ACAT2: variants seen among roughly 807,000 people sequenced by gnomAD.
ACAT2 encodes the protein acetyl-CoA acetyltransferase 2, also known as acetyl-CoA acetyltransferase, cytosolic.
A neutral mutation model predicts 37.1 loss-of-function variants in ACAT2; 26 were observed. That is an observed-to-expected ratio of 0.70 (90% confidence interval 0.51 to 0.97). ACAT2 has a LOEUF of 0.97. ACAT2 is among the 50% of genes least tolerant of loss of function. The probability of loss-of-function intolerance (pLI) is 0.00; values close to 1 mark genes in which losing one functional copy is unlikely to be tolerated. For missense variants in ACAT2, 468 were observed against 489.0 expected (o/e 0.96, Z 0.40); for synonymous variants, 156 against 163.6 (o/e 0.95, Z 0.35).
chr6:159,776,392 C>A, intron 6 of ACAT2, 120 bp downstream of exon 6: 1 of 1,247,110 alleles, frequency 8.0e-7, no homozygotes, highest in Non-Finnish European at 1.1e-6. Flanking sequence ...CTCACTCTGC[C>A]AGCCAGGTTC....
At chr6:159,769,118 C>G (rs916293595) in intron 4 of ACAT2, among the ~76,000 whole-genome samples, 1 of 152,160 alleles carries the variant, frequency 6.6e-6, no homozygotes, top group Non-Finnish European at 1.5e-5. Context: ...GAATCAAACC[C>G]TGAGAAGTTA....
chr6:159,762,196 G>C, intron 1 of ACAT2, 54 bp downstream of exon 1: 1 of 1,572,492 alleles, frequency 6.4e-7, no homozygotes, highest in Non-Finnish European at 8.6e-7. Context: ...GCTTCGGCAG[G>C]AGCGCCGAGG....
chr6:159,768,461 G>A, intron 3 of ACAT2, 50 bp from the exon 4 acceptor site: 1 of 1,296,224 alleles, frequency 7.7e-7, no homozygotes, highest in Non-Finnish European at 1.1e-6. Flanking sequence ...ATTCTGGGGA[G>A]AAGACTAATT....
chr6:159,762,425 A>AG, intron 1 of ACAT2: 9 of 1,366,550 alleles, frequency 6.6e-6, no homozygotes, highest in Non-Finnish European at 8.5e-6. Flanking sequence ...TGGTTGGCGT[A>AG]GGGAGGTGTT....
intron 6 of ACAT2, among the ~76,000 whole-genome samples, chr6:159,776,816 C>G (rs1313247543): frequency 2.6e-5 from 4 of 151,954 alleles, no homozygotes; most frequent in Non-Finnish European, 5.9e-5. Context: ...TGAGACGGAG[C>G]CTCACTCTGT....
At chr6:159,771,268 T>C (rs546760605) in intron 4 of ACAT2, among the ~76,000 whole-genome samples, 1 of 152,084 alleles carries the variant, frequency 6.6e-6, no homozygotes, top group Admixed American at 6.5e-5. Flanking sequence ...TAATCCCAGC[T>C]ACTCGGGAGG....
At chr6:159,777,176 A>G (rs1280785323) in intron 6 of ACAT2, 126 bp from the exon 7 acceptor site, 6 of 1,082,644 alleles carry the variant, frequency 5.5e-6, no homozygotes, top group Non-Finnish European at 8.1e-6. Flanking sequence ...AGTCTGTTGA[A>G]TTATAGTAAA....
At chr6:159,764,106 AAAGAAG>A (rs200040327) in intron 2 of ACAT2, among the ~76,000 whole-genome samples, 2 of 151,822 alleles carry the variant, frequency 1.3e-5, no homozygotes, top group African/African-American at 4.8e-5. Context: ...CTCCTTTTAA[AAAGAAG>A]AAGAAGAAGC....
chr6:159,778,155 G>C lies in ACAT2; in HGVS notation c.913-15G>C, dbSNP rs541368544. On this transcript the variant is annotated splice_polypyrimidine_tract_variant and intron_variant, in intron 7 of 8. Coordinates refer to ENST00000367048, the MANE Select transcript of ACAT2 (RefSeq NM_005891.3). ...ACCCAAGTTTAGACCTCTTTTCTAT[G>C]AATCTTTCCTCTAGGTTACAAAAGC... 1.3e-5 allele frequency: 20 copies of C among 1,572,774 alleles called. No homozygotes were observed. Among genetic ancestry groups the C allele is most frequent in the South Asian group, 2.3e-5 (2 of 88,730 alleles).
rs1490335651 is a variant in ACAT2 at position 159,768,622 on chromosome 6, A to G, written c.484A>G (p.Ile162Val). The change falls in exon 4 of 9, where the codon ATT (isoleucine) becomes GTT (valine). Residue 162 changes from isoleucine (I) to valine (V), a missense_variant. By Grantham distance (29) the Ile-to-Val change is conservative. Transcript: ENST00000367048. The stretch of plus-strand genomic sequence containing the variant: ...TGCATTTCACAACTGTCATATGGGT[A>G]TTACAGGTAAGGCAGACATGGCTGA... ...TDAFHNCHMG[I>V]TAENVAKKWQ... The G allele has an allele frequency of 1.9e-6, 3 of 1,602,676 alleles. No homozygotes were observed.
chr6:159,777,215 A>T, intron 6 of ACAT2, 87 bp from the exon 7 acceptor site: 1 of 1,411,934 alleles, frequency 7.1e-7, no homozygotes, highest in African/African-American at 1.4e-5. Flanking sequence ...AAATCATTTA[A>T]CTCATGTCTT....
intron 2 of ACAT2, among the ~76,000 whole-genome samples, chr6:159,765,840 T>C (rs3798212): frequency 0.23 from 35,223 of 152,090 alleles, 4,319 homozygotes; most frequent in East Asian, 0.41. Flanking sequence ...TAATCCCAGA[T>C]TGATAACATT....
rs1780311724 is a variant in ACAT2, at chr6:159,770,039, C to T, written c.490+1411C>T. ...CTCCTTGGACACTCCATTGACATCT[C>T]AGAAAGACCACAGTTTAGGGGTAGG... On this transcript the variant is annotated intron_variant, in intron 4 of 8. Coordinates refer to ENST00000367048, the MANE Select transcript of ACAT2 (RefSeq NM_005891.3). 2.0e-5 allele frequency among the ~76,000 whole-genome samples: 3 copies of T among 152,152 alleles called. No individual in the cohort carries two copies. The South Asian group carries it at 6.2e-4, about 32-fold the overall frequency.
At chr6:159,762,260 C>A (rs1203274173) in intron 1 of ACAT2, 118 bp downstream of exon 1, 3 of 1,339,302 alleles carry the variant, frequency 2.2e-6, no homozygotes, top group South Asian at 1.5e-5. Flanking sequence ...CAGGCCAAGC[C>A]GCGAGGAGCC....
intron 4 of ACAT2, among the ~76,000 whole-genome samples, chr6:159,774,735 T>G (rs1341590557): frequency 6.6e-6 from 1 of 152,206 alleles, no homozygotes; most frequent in African/African-American, 2.4e-5. Context: ...GCCGCCACAC[T>G]TGGCCCAATT....
intron 4 of ACAT2, 31 bp downstream of exon 4, chr6:159,768,659 C>A: frequency 6.6e-7 from 1 of 1,507,448 alleles, no homozygotes; most frequent in Non-Finnish European, 9.2e-7. Flanking sequence ...ACTGTATTAG[C>A]TTTAAAAAGG....
chr6:159,763,389 CA>C, intron 2 of ACAT2, among the ~76,000 whole-genome samples: 1 of 151,962 alleles, frequency 6.6e-6, no homozygotes, highest in African/African-American at 2.4e-5. Flanking sequence ...CCCGTCTCTA[CA>C]AAAAATAAAA....
At chr6:159,774,975 C>A (rs1157286614) in intron 4 of ACAT2, among the ~76,000 whole-genome samples, 195 bp from the exon 5 acceptor site, 1 of 152,146 alleles carries the variant, frequency 6.6e-6, no homozygotes, top group East Asian at 1.9e-4. Context: ...AAGTATGACT[C>A]CTGAGAGTCA....
rs1780486316 is a variant in ACAT2, at chr6:159,778,556, G to A, written c.1024-103G>A. On this transcript the variant is annotated intron_variant, in intron 8 of 8. Coordinates refer to ENST00000367048, the MANE Select transcript of ACAT2 (RefSeq NM_005891.3). ...GCAGTTAAAATGAAAATTTGAGTTTGAAAGGGTAGCATGCTGATACATTAA... is the reference window on the plus strand; with the variant it reads ...GCAGTTAAAATGAAAATTTGAGTTTAAAAGGGTAGCATGCTGATACATTAA... The A allele has an allele frequency of 5.3e-6, 7 of 1,309,908 alleles. No homozygotes were observed. The African/African-American group carries it at 5.9e-5, about 11-fold the overall frequency. 81.1% of individuals were successfully genotyped at this position (1,309,908 alleles called of 1,614,324 possible).
Sources: allele counts gnomAD v4.1 joint callset (sites outside exome capture counted in the v4.1 genomes callset), GRCh38; gene constraint gnomAD v4.1.1; transcripts MANE v1.5; gene names NCBI Gene and HGNC (gene_info 2026-07-23, HGNC 2026-07-21).